TMEM63B: variants seen among roughly 807,000 people sequenced by gnomAD.
TMEM63B encodes mechanosensitive cation channel TMEM63B.
A neutral mutation model predicts 102.6 loss-of-function variants in TMEM63B; 23 were observed. The observed-to-expected ratio is 0.22, with a 90% CI of 0.16 to 0.32. The LOEUF is 0.32. Ranked by LOEUF, TMEM63B falls within the 10% of genes least tolerant of loss-of-function variation. TMEM63B has a pLI of 1.00. For missense variants in TMEM63B, 628 were observed against 1,095.9 expected, an observed-to-expected ratio of 0.57 and a Z score of 6.03; for synonymous variants, 444 against 437.0, an observed-to-expected ratio of 1.02 and a Z score of -0.20.
Position 44,150,379 on chromosome 6 carries a change from A to G in TMEM63B, c.1607+69A>G. The G allele has an allele frequency of 6.5e-7, 1 of 1,531,926 alleles. No homozygotes were observed. Among genetic ancestry groups the G allele is most frequent in the Non-Finnish European group, 9.0e-7 (1 of 1,106,300 alleles). 94.9% of individuals were successfully genotyped at this position (1,531,926 alleles called of 1,614,324 possible). On this transcript the variant is annotated intron_variant, in intron 17 of 23. Transcript: ENST00000323267. This position sits in a 1 kb window ranked among gnomAD's most constrained non-coding sequence, Gnocchi z 4.7. ...CAGGATAGGGAGAGGAGAGCAGTTC[A>G]GCCTCCCTACCTCCCCTACAAAGCA...
chr6:44,127,061 C>G (rs997672576), upstream of TMEM63B: 15 of 151,940 alleles, frequency 9.9e-5, no homozygotes, highest in African/African-American at 3.6e-4. Context: ...CGCCGCAACC[C>G]GGGGAAAGCA....
chr6:44,143,796 A>T (rs888676443), intron 10 of TMEM63B, among the ~76,000 whole-genome samples: 1 of 152,128 alleles, frequency 6.6e-6, no homozygotes, highest in African/African-American at 2.4e-5. Flanking sequence ...AGGCAGGGTA[A>T]GAGGGGTTGG....
Position 44,138,466 on chromosome 6 carries a change from C to A in TMEM63B, c.370-14C>A, listed in dbSNP as rs1562120754. ...GGGCTGGGGACTCCCGCTGACAGCC[C>A]TCTGTTCCCCCAGGGTTTCTGTTCC... On this transcript the variant is annotated splice_polypyrimidine_tract_variant and intron_variant, in intron 5 of 23. Transcript: ENST00000323267. 1.9e-6 allele frequency: 3 copies of A among 1,614,004 alleles called. No individual in the cohort carries two copies. The highest frequency in any genetic ancestry group is 2.5e-6 in the Non-Finnish European group (3 of 1,179,984).
chr6:44,136,858 A>G (rs1005886812), intron 5 of TMEM63B, among the ~76,000 whole-genome samples: 9 of 152,360 alleles, frequency 5.9e-5, no homozygotes, highest in Middle Eastern at 3.4e-3. Context: ...ATCCTGGCTA[A>G]CACGGTGAAA....
chr6:44,127,076 A>C (rs953607571), upstream of TMEM63B: 12 of 151,814 alleles, frequency 7.9e-5, no homozygotes, highest in Admixed American at 1.3e-4. Context: ...AAAGCAGGTG[A>C]GCGCCGGCCA....
chr6:44,149,026 C>A lies in TMEM63B; in HGVS notation c.1413+81C>A. The A allele has an allele frequency of 2.5e-6, 4 of 1,602,736 alleles. No individual in the cohort carries two copies. The South Asian group carries it at 4.4e-5, about 18-fold the overall frequency. On this transcript the variant is annotated intron_variant, in intron 15 of 23. Coordinates refer to ENST00000323267, the MANE Select transcript of TMEM63B (RefSeq NM_018426.3). ...GGCCCTGATCCCTCTTCCACTTGCCCAGCCCAGCCCGTTCTGCTTGTTCCA... is the reference window on the plus strand; with the variant it reads ...GGCCCTGATCCCTCTTCCACTTGCCAAGCCCAGCCCGTTCTGCTTGTTCCA...
At chr6:44,153,481 G>A (rs1239740183) in intron 20 of TMEM63B, among the ~76,000 whole-genome samples, 195 bp from the exon 21 acceptor site, 1 of 152,236 alleles carries the variant, frequency 6.6e-6, no homozygotes, top group Non-Finnish European at 1.5e-5. Flanking sequence ...GAGGAGAGTA[G>A]AATGAGGGGT....
At chr6:44,136,729 G>A (rs947357230) in intron 5 of TMEM63B, among the ~76,000 whole-genome samples, 2 of 152,204 alleles carry the variant, frequency 1.3e-5, no homozygotes, top group Non-Finnish European at 2.9e-5. Flanking sequence ...TTAATCCTAA[G>A]GCCACCTTTT....
chr6:44,130,915 CCTA>C (rs763443460), intron 1 of TMEM63B, among the ~76,000 whole-genome samples: 109 of 150,828 alleles, frequency 7.2e-4, no homozygotes, highest in Non-Finnish European at 1.4e-3. Flanking sequence ...CCCCACCCTG[CCTA>C]CTACTACTTT....
At chr6:44,136,882 A>G (rs542041883) in intron 5 of TMEM63B, among the ~76,000 whole-genome samples, 12 of 152,304 alleles carry the variant, frequency 7.9e-5, no homozygotes, top group African/African-American at 9.6e-5. Flanking sequence ...CGTCTCTACT[A>G]AAAATACAAA....
chr6:44,138,778 G>A (rs1012357485), intron 6 of TMEM63B: 1 of 396,184 alleles, frequency 2.5e-6, no homozygotes, highest in Non-Finnish European at 4.7e-6. Flanking sequence ...CTTGAGGGAG[G>A]GGGTGGAGCC....
At chr6:44,137,688 A>C (rs1763251813) in intron 5 of TMEM63B, among the ~76,000 whole-genome samples, 1 of 146,990 alleles carries the variant, frequency 6.8e-6, no homozygotes, top group Admixed American at 6.9e-5. Context: ...TGGAGGGGAG[A>C]GATTTTTTTT....
chr6:44,134,778 C>T, intron 2 of TMEM63B, 35 bp downstream of exon 2: 1 of 1,602,664 alleles, frequency 6.2e-7, no homozygotes. Context: ...CCTTGGCATC[C>T]ATGCCCTGTA....
At chr6:44,135,166 A>T in intron 3 of TMEM63B, 70 bp downstream of exon 3, 1 of 1,596,580 alleles carries the variant, frequency 6.3e-7, no homozygotes, top group Non-Finnish European at 8.6e-7. Context: ...AGGAATAGGA[A>T]GGAGCCAGCC....
chr6:44,129,446 A>G (rs1389781281), intron 1 of TMEM63B, among the ~76,000 whole-genome samples: 1 of 152,184 alleles, frequency 6.6e-6, no homozygotes, highest in East Asian at 1.9e-4. Context: ...TATCATGGGA[A>G]TCAAACAAGG....
rs763672207 is a variant in TMEM63B, at chr6:44,150,527, C to T, written c.1608-37C>T. ...CCCTCCCCTGGTGTTCTGTACCACT[C>T]CAGCTCCCACCCCATCTCTCCTCTG... On this transcript the variant is annotated intron_variant, in intron 17 of 23. Coordinates refer to ENST00000323267, the MANE Select transcript of TMEM63B (RefSeq NM_018426.3). This position sits in a 1 kb window ranked among gnomAD's most constrained non-coding sequence, Gnocchi z 4.7. The T allele has an allele frequency of 5.4e-5, 87 of 1,611,340 alleles. No homozygotes were observed. The highest frequency in any genetic ancestry group is 1.0e-4 in the Admixed American group (6 of 59,980).
Position 44,147,519 on chromosome 6 carries a change from G to A in TMEM63B, c.987+19G>A. On this transcript the variant is annotated intron_variant, in intron 12 of 23. Coordinates refer to ENST00000323267, the MANE Select transcript of TMEM63B (RefSeq NM_018426.3). ...TGAGCAGGTATGACGCGGGCTGGCTGTTGAGTCGGGAGAAGTTGGACAGGT... is the reference window on the plus strand; with the variant it reads ...TGAGCAGGTATGACGCGGGCTGGCTATTGAGTCGGGAGAAGTTGGACAGGT... The A allele has an allele frequency of 6.2e-7, 1 of 1,613,134 alleles. No individual in the cohort carries two copies. The highest frequency in any genetic ancestry group is 8.5e-7 in the Non-Finnish European group (1 of 1,179,458).
chr6:44,152,037 G>C lies in TMEM63B; in HGVS notation c.1836+29G>C. ...CGGCCGCCTGGGGCAGCAGCGGCCC[G>C]CACAGCGCCCCCTGGTGGCCCAACA... On this transcript the variant is annotated intron_variant, in intron 19 of 23. Coordinates refer to ENST00000323267, the MANE Select transcript of TMEM63B (RefSeq NM_018426.3). The surrounding 1 kb of genome is among the most constrained non-coding windows in gnomAD (Gnocchi z 6.4). 1.3e-6 allele frequency: 2 copies of C among 1,566,376 alleles called. No homozygotes were observed. The highest frequency in any genetic ancestry group is 2.3e-5 in the South Asian group (2 of 86,914).
At chr6:44,151,307 A>C (rs573554176) in intron 18 of TMEM63B, among the ~76,000 whole-genome samples, 2 of 152,164 alleles carry the variant, frequency 1.3e-5, no homozygotes, top group Non-Finnish European at 2.9e-5. Context: ...CTGTGGGCAC[A>C]AACTCTAGGG....
Sources: gnomAD v4.1 joint callset for allele counts (sites outside exome capture counted in the v4.1 genomes callset) on GRCh38, gnomAD v4.1.1 for gene constraint, Gnocchi (gnomAD v3.1) non-coding constraint, MANE v1.5 for transcripts, NCBI Gene and HGNC (gene_info 2026-07-23, HGNC 2026-07-21) for gene names.